The following WWC2 variants were observed in gnomAD, a reference collection of about 807,000 sequenced individuals.
WWC2 encodes WW and C2 domain containing 2.
In WWC2, 101 loss-of-function variants were observed where a neutral mutation model predicts 138.5. The observed-to-expected ratio is 0.73, with a 90% confidence interval of 0.62 to 0.86. The LOEUF is 0.86. WWC2 is among the 40% of genes least tolerant of loss of function. The pLI is 0.00. For synonymous variants in WWC2, 558 were observed against 538.4 expected (o/e 1.04, Z -0.50); for missense variants, 1,420 against 1,419.4 (o/e 1.00, Z -0.01).
At position 183,290,275 on chromosome 4, in the gene WWC2, G is replaced by T. The variant is rs185110632; in HGVS notation, c.3384+640G>T. ...CTCACACCTATAATCCCAGCACTCT[G>T]GGAGGCCGAGGCGGGTGGATCATGA... On this transcript the variant is annotated intron_variant, in intron 21 of 22. Coordinates refer to ENST00000403733, the MANE Select transcript of WWC2 (RefSeq NM_024949.6). Among the ~76,000 whole-genome samples, 114 of 152,272 alleles carry T rather than the reference G, an allele frequency of 7.5e-4. 2 individuals carry two copies. In the East Asian group the frequency reaches 0.022, roughly 29 times the overall value.
intron 2 of WWC2, among the ~76,000 whole-genome samples, chr4:183,204,651 A>G (rs767445907): frequency 6.6e-6 from 1 of 152,198 alleles, no homozygotes. Flanking sequence ...AATTGCATCT[A>G]TTTTCACTAT....
chr4:183,224,995 TGA>T (rs1736032471), intron 4 of WWC2, among the ~76,000 whole-genome samples: 1 of 152,250 alleles, frequency 6.6e-6, no homozygotes, highest in African/African-American at 2.4e-5. Context: ...CTCTTTATGT[TGA>T]CTCCTCATAC....
chr4:183,099,593 G>T lies in WWC2; in HGVS notation c.102G>T (p.Arg34Ser). The change falls in exon 1 of 23, where the codon AGG (arginine) becomes AGT (serine). Residue 34 changes from arginine (R) to serine (S), a missense_variant. By Grantham distance (110) the Arg-to-Ser change is moderately radical. Transcript: ENST00000403733. The stretch of plus-strand genomic sequence containing the variant: ...TCTTCTACATTGACCACAACACCAG[G>T]AGGACCAGCTGGATCGACCCCCGGG... ...GKVFYIDHNTRRTSWIDPRDR... is the reference protein window; with the variant it reads ...GKVFYIDHNTSRTSWIDPRDR... 1 of 1,392,558 alleles carries T rather than the reference G, an allele frequency of 7.2e-7. No homozygotes were observed. Among genetic ancestry groups the T allele is most frequent in the Non-Finnish European group, 9.5e-7 (1 of 1,055,480 alleles). The allele number at this position is 1,392,558 out of a possible 1,614,324, so 86.3% of individuals were successfully genotyped here.
chr4:183,125,952 C>T (rs1425967081), intron 1 of WWC2, among the ~76,000 whole-genome samples: 4 of 152,212 alleles, frequency 2.6e-5, no homozygotes, highest in Non-Finnish European at 5.9e-5. Flanking sequence ...AAGCATCTCA[C>T]TAAGGAAAGG....
chr4:183,189,650 G>C (rs977124529), intron 1 of WWC2, among the ~76,000 whole-genome samples: 1 of 152,088 alleles, frequency 6.6e-6, no homozygotes, highest in African/African-American at 2.4e-5. Context: ...GACAGGATTC[G>C]CTCTGCTTTG....
chr4:183,178,566 G>GCTCA, intron 1 of WWC2, among the ~76,000 whole-genome samples: 1 of 150,598 alleles, frequency 6.6e-6, no homozygotes, highest in African/African-American at 2.4e-5. Flanking sequence ...GTCTTGCTGT[G>GCTCA]CTGCCCAGTC....
At chr4:183,106,692 G>C (rs1352054321) in intron 1 of WWC2, among the ~76,000 whole-genome samples, 1 of 152,034 alleles carries the variant, frequency 6.6e-6, no homozygotes. Context: ...GTATCCCTTT[G>C]TATCTGGCTT....
chr4:183,290,942 T>C (rs1169083585), intron 21 of WWC2, among the ~76,000 whole-genome samples: 1 of 152,208 alleles, frequency 6.6e-6, no homozygotes, highest in Admixed American at 6.5e-5. Flanking sequence ...ACTAAATGAA[T>C]GAATTTCAAG....
At chr4:183,289,900 G>T (rs570106401) in intron 21 of WWC2, among the ~76,000 whole-genome samples, 1 of 151,786 alleles carries the variant, frequency 6.6e-6, no homozygotes, top group Admixed American at 6.6e-5. Flanking sequence ...GGCCAGTGGG[G>T]GTGAGGGTGT....
At position 183,317,162 on chromosome 4, in the gene WWC2, C is replaced by A. The variant is rs1265865960; in HGVS notation, c.*1433C>A. The A allele has an allele frequency of 6.8e-6, 1 of 146,030 alleles. No individual in the cohort carries two copies. The highest frequency in any genetic ancestry group is 2.0e-4 in the East Asian group (1 of 5,044). The allele number at this position is 146,030 out of a possible 1,614,324, so 9.0% of individuals were successfully genotyped here. The stretch of plus-strand genomic sequence containing the variant: ...TCCAAAATTGTCTTAAAGGAATGGA[C>A]CCCTTGAAGAAAAAAAAAAAAAGTT... On this transcript the variant is annotated 3_prime_UTR_variant, in exon 23 of 23. Transcript: ENST00000403733.
At position 183,261,435 on chromosome 4, in the gene WWC2, T is replaced by G. The variant is rs746613225; in HGVS notation, c.1812T>G (p.Ile604Met). The G allele has an allele frequency of 6.2e-7, 1 of 1,612,520 alleles. No homozygotes were observed. Among genetic ancestry groups the G allele is most frequent in the East Asian group, 2.2e-5 (1 of 44,868 alleles). Reference protein sequence around the residue: ...FADISLIENQILLDSDSGGAS... With the variant: ...FADISLIENQMLLDSDSGGAS... The stretch of plus-strand genomic sequence containing the variant: ...ATATCAGCCTCATCGAAAATCAGAT[T>G]TTGCTGGATTCTGATTCAGGAGGAG... The change falls in exon 11 of 23, where the codon ATT becomes ATG. Residue 604 changes from isoleucine (I) to methionine (M), a missense_variant. Coordinates refer to ENST00000403733, the MANE Select transcript of WWC2 (RefSeq NM_024949.6).
intron 4 of WWC2, among the ~76,000 whole-genome samples, chr4:183,226,942 G>T (rs750100042): frequency 1.3e-5 from 2 of 152,064 alleles, no homozygotes; most frequent in Non-Finnish European, 2.9e-5. Flanking sequence ...AGCTGGCTTT[G>T]CCCTGAGGAA....
At chr4:183,240,142 T>TA in intron 4 of WWC2, 41 bp from the exon 5 acceptor site, 1 of 1,417,712 alleles carries the variant, frequency 7.1e-7, no homozygotes, top group Non-Finnish European at 9.6e-7. Flanking sequence ...TGTTGCTAAT[T>TA]ATCTGCAAAC....
chr4:183,220,700 G>A lies in WWC2; in HGVS notation c.522+11675G>A, dbSNP rs1018795324. Among the ~76,000 whole-genome samples the A allele has an allele frequency of 1.2e-4, 18 of 152,142 alleles. No homozygotes were observed. The East Asian group carries it at 2.7e-3, about 23-fold the overall frequency. On this transcript the variant is annotated intron_variant, in intron 4 of 22. Transcript: ENST00000403733. Reference sequence around the variant, plus strand: ...ATACAAAAAAGTAGCCGGGCGTGGTGGCGGGCGCCTGTAGTCCCAGCTACT... The same window carrying A: ...ATACAAAAAAGTAGCCGGGCGTGGTAGCGGGCGCCTGTAGTCCCAGCTACT...
At chr4:183,103,356 G>A (rs954702230) in intron 1 of WWC2, among the ~76,000 whole-genome samples, 41 of 145,196 alleles carry the variant, frequency 2.8e-4, no homozygotes, top group African/African-American at 1.0e-3. Flanking sequence ...TTTTTGAGAC[G>A]GTGTTTTCGT....
chr4:183,113,643 C>T (rs966684669), intron 1 of WWC2, among the ~76,000 whole-genome samples: 4 of 152,048 alleles, frequency 2.6e-5, no homozygotes, highest in African/African-American at 9.7e-5. Context: ...GCAGTCCTCC[C>T]TCTGCAGCCT....
Position 183,282,808 on chromosome 4 carries a change from T to C in WWC2, c.2785T>C (p.Cys929Arg). 6.3e-7 allele frequency: 1 copy of C among 1,587,476 alleles called. No individual in the cohort carries two copies. The highest frequency in any genetic ancestry group is 1.3e-5 in the African/African-American group (1 of 74,594). Residue 929 changes from cysteine (C) to arginine (R), a missense_variant, in exon 18 of 23, where the codon TGC becomes CGC. By Grantham distance (180) the Cys-to-Arg change is radical (BLOSUM62 -3). Coordinates refer to ENST00000403733, the MANE Select transcript of WWC2 (RefSeq NM_024949.6). ...TAGCTGTACAGAAGATTTAAGTTCATGCACTAGTGTGCCTGAGATGAATGA... is the reference window on the plus strand; with the variant it reads ...TAGCTGTACAGAAGATTTAAGTTCACGCACTAGTGTGCCTGAGATGAATGA... ...DSSCTEDLSS[C>R]TSVPEMNEDG... is the part of the protein sequence containing the mutation.
chr4:183,229,884 G>A (rs1461274223), intron 4 of WWC2, among the ~76,000 whole-genome samples: 3 of 151,976 alleles, frequency 2.0e-5, no homozygotes, highest in Non-Finnish European at 2.9e-5. Flanking sequence ...GGAGTGCAGC[G>A]GCTCAATCCG....
intron 3 of WWC2, 103 bp downstream of exon 3, chr4:183,208,259 C>A: frequency 8.1e-7 from 1 of 1,240,116 alleles, no homozygotes; most frequent in East Asian, 2.6e-5. Flanking sequence ...GTCCTTTTCC[C>A]TCCTAAGCAG....
Sources: allele counts gnomAD v4.1 joint callset (sites outside exome capture counted in the v4.1 genomes callset), GRCh38; gene constraint gnomAD v4.1.1; transcripts MANE v1.5; gene names NCBI Gene and HGNC (gene_info 2026-07-23, HGNC 2026-07-21).